PCDH11X: variants seen among roughly 807,000 people sequenced by gnomAD.
PCDH11X encodes the protein protocadherin 11 X-linked, also known as protocadherin-11 X-linked.
A neutral mutation model predicts 53.3 loss-of-function variants in PCDH11X; 18 were observed. The ratio of observed to expected loss-of-function variants is 0.34; its 90% confidence interval spans 0.23 to 0.50. PCDH11X has a LOEUF of 0.50. PCDH11X is among the 20% of genes least tolerant of loss of function. The pLI is 0.98. For missense variants in PCDH11X, 570 were observed against 1,032.4 expected, an observed-to-expected ratio of 0.55 and a Z score of 6.14; for synonymous variants, 279 against 393.3, an observed-to-expected ratio of 0.71 and a Z score of 3.44.
chrX:92,147,447 A>G (rs1282136905), intron 6 of PCDH11X, among the ~76,000 whole-genome samples: 1 of 111,919 alleles, frequency 8.9e-6, no homozygotes, highest in African/African-American at 3.2e-5. Flanking sequence ...AAACGTCTTC[A>G]CTGATTTGAG....
At chrX:91,932,702 G>C (rs1168969829) in intron 6 of PCDH11X, among the ~76,000 whole-genome samples, 1 of 94,746 alleles carries the variant, frequency 1.1e-5, no homozygotes, top group Non-Finnish European at 2.1e-5. Context: ...GTGTGTGTGC[G>C]CGCGCGCGCG....
intron 10 of PCDH11X, among the ~76,000 whole-genome samples, chrX:92,568,724 C>A (rs1465552572): frequency 2.0e-5 from 2 of 100,728 alleles, no homozygotes; most frequent in African/African-American, 7.5e-5. Context: ...AGGTAGTGTA[C>A]AACCTGAAGT....
At chrX:92,240,024 T>G (rs2067237063) in intron 7 of PCDH11X, among the ~76,000 whole-genome samples, 1 of 111,983 alleles carries the variant, frequency 8.9e-6, no homozygotes, top group African/African-American at 3.2e-5. Context: ...TAACACATAG[T>G]GACTTAAGAA....
chrX:92,148,846 G>C (rs1330962625), intron 6 of PCDH11X, among the ~76,000 whole-genome samples: 2 of 108,031 alleles, frequency 1.9e-5, no homozygotes, highest in Admixed American at 1.0e-4. Flanking sequence ...ATCTTAGAAA[G>C]TTAATGCTAT....
intron 6 of PCDH11X, among the ~76,000 whole-genome samples, chrX:92,110,640 G>T (rs1244276912): frequency 1.8e-5 from 2 of 111,395 alleles, no homozygotes; most frequent in Non-Finnish European, 3.8e-5. Flanking sequence ...CTGGCAGGCT[G>T]GGTGACTGCA....
intron 6 of PCDH11X, among the ~76,000 whole-genome samples, chrX:92,116,408 T>G (rs2064639302): frequency 8.9e-6 from 1 of 112,187 alleles, no homozygotes; most frequent in Non-Finnish European, 1.9e-5. Context: ...TCTTAGATTT[T>G]CAGATTGATC....
chrX:92,323,419 C>T (rs932098438), intron 8 of PCDH11X, among the ~76,000 whole-genome samples: 11 of 108,544 alleles, frequency 1.0e-4, no homozygotes, highest in African/African-American at 3.7e-4. Context: ...AATCAGTAAA[C>T]CCTCAGATCC....
In PCDH11X at chrX:92,037,725, TA is replaced by T. The variant is rs2063148000; in HGVS notation, c.3033+158454del. ...CATCTATTGTTTCTTGACTTTTTAA[TA>T]ATCATCATTCTGACTGGCATGAGAT... On this transcript the variant is annotated intron_variant, in intron 6 of 10. Coordinates refer to ENST00000682573, the MANE Select transcript of PCDH11X (RefSeq NM_032968.5). Among the ~76,000 whole-genome samples, 3 of 110,942 alleles carry T rather than the reference TA, an allele frequency of 2.7e-5. No homozygotes were observed. The South Asian group carries it at 1.2e-3, about 43-fold the overall frequency.
intron 8 of PCDH11X, among the ~76,000 whole-genome samples, chrX:92,352,791 G>A (rs1472772684): frequency 6.3e-5 from 7 of 111,702 alleles, no homozygotes; most frequent in African/African-American, 2.3e-4. Context: ...TAGGTTGTCT[G>A]CACAGACAGA....
At chrX:92,248,570 C>G (rs1385132561) in intron 7 of PCDH11X, among the ~76,000 whole-genome samples, 4 of 111,299 alleles carry the variant, frequency 3.6e-5, no homozygotes, top group Non-Finnish European at 7.5e-5. Flanking sequence ...GTTGTCATTT[C>G]TTTTTGTTGG....
chrX:92,221,508 TAAGG>T (rs2066879755), intron 7 of PCDH11X, among the ~76,000 whole-genome samples: 1 of 110,537 alleles, frequency 9.0e-6, no homozygotes, highest in South Asian at 3.8e-4. Context: ...GAGTTATTGT[TAAGG>T]AAACAAAAAT....
intron 5 of PCDH11X, among the ~76,000 whole-genome samples, chrX:91,869,708 T>C (rs1939180075): frequency 9.0e-6 from 1 of 110,827 alleles, no homozygotes; most frequent in Admixed American, 9.7e-5. Context: ...TGAAATACAG[T>C]CTTTAAAAGG....
chrX:91,912,669 G>T (rs1167410938), intron 6 of PCDH11X, among the ~76,000 whole-genome samples: 2 of 110,111 alleles, frequency 1.8e-5, no homozygotes, highest in Middle Eastern at 4.7e-3. Context: ...AAATCGAAGT[G>T]GGGGGGAAAT....
At chrX:91,817,500 G>A (rs1317235109) in intron 4 of PCDH11X, among the ~76,000 whole-genome samples, 1 of 109,909 alleles carries the variant, frequency 9.1e-6, no homozygotes, top group Non-Finnish European at 1.9e-5. Flanking sequence ...CATAGTTGAA[G>A]GTTACTGACC....
At chrX:91,983,464 G>A in intron 6 of PCDH11X, 1 of 573,054 alleles carries the variant, frequency 1.7e-6, no homozygotes, top group Non-Finnish European at 3.0e-6. Context: ...AGACATCCCT[G>A]GCAGACTTGC....
intron 6 of PCDH11X, among the ~76,000 whole-genome samples, chrX:92,012,089 A>C (rs2147981608): frequency 9.0e-6 from 1 of 111,118 alleles, no homozygotes; most frequent in African/African-American, 3.3e-5. Context: ...TCTAGCATAT[A>C]TCCTTTGTAC....
At chrX:92,533,215 G>A (rs2074591654) in intron 10 of PCDH11X, among the ~76,000 whole-genome samples, 1 of 111,182 alleles carries the variant, frequency 9.0e-6, no homozygotes, top group Non-Finnish European at 1.9e-5. Context: ...TACTTGTGAT[G>A]TTATCACATA....
chrX:92,110,570 A>T (rs1034827866), intron 6 of PCDH11X, among the ~76,000 whole-genome samples: 5 of 111,308 alleles, frequency 4.5e-5, no homozygotes, highest in African/African-American at 9.8e-5. Flanking sequence ...AATGTGAAGA[A>T]TCTGCATTTT....
intron 6 of PCDH11X, among the ~76,000 whole-genome samples, chrX:91,907,412 C>CACACAG (rs756926383): frequency 0.026 from 1,469 of 57,313 alleles, 49 homozygotes; most frequent in Middle Eastern, 0.044. Flanking sequence ...CACACACACA[C>CACACAG]AGAGAGAGAG....
Sources: allele counts gnomAD v4.1 joint callset (sites outside exome capture counted in the v4.1 genomes callset), GRCh38; gene constraint gnomAD v4.1.1; transcripts MANE v1.5; gene names NCBI Gene and HGNC (gene_info 2026-07-23, HGNC 2026-07-21).